Variants in AGMO observed in about 807,000 individuals in gnomAD.
AGMO encodes glyceryl-ether monooxygenase.
In AGMO, 75 loss-of-function variants were observed where a neutral mutation model predicts 60.2. That is an observed-to-expected ratio of 1.25 (90% CI 1.03 to 1.51). The LOEUF (loss-of-function observed/expected upper bound fraction) is 1.51, where lower values mean the gene tolerates loss of function less well. Ranked by LOEUF, AGMO falls within the 40% of genes most tolerant of loss-of-function variation. The pLI, the probability that AGMO is intolerant of heterozygous loss-of-function variation, is 0.00. For synonymous variants in AGMO, 261 were observed against 177.1 expected (o/e 1.47, Z -3.76); for missense variants, 763 against 525.5 (o/e 1.45, Z -4.42).
chr7:15,461,515 G>C (rs1782141862), intron 3 of AGMO, among the ~76,000 whole-genome samples: 2 of 151,992 alleles, frequency 1.3e-5, no homozygotes, highest in Non-Finnish European at 2.9e-5. Context: ...CAAAAATTAG[G>C]ATGGTCATGA....
intron 12 of AGMO, among the ~76,000 whole-genome samples, chr7:15,277,680 A>T (rs1783841895): frequency 6.6e-6 from 1 of 152,204 alleles, no homozygotes; most frequent in Non-Finnish European, 1.5e-5. Flanking sequence ...TCTATAGGCT[A>T]ATAAATGGCA....
At chr7:15,355,733 C>A (rs1338422400) in intron 12 of AGMO, among the ~76,000 whole-genome samples, 1 of 151,894 alleles carries the variant, frequency 6.6e-6, no homozygotes, top group African/African-American at 2.4e-5. Flanking sequence ...GTACCATCTT[C>A]ATACATAAAG....
chr7:15,312,949 A>G (rs1037076029), intron 12 of AGMO, among the ~76,000 whole-genome samples: 1 of 152,142 alleles, frequency 6.6e-6, no homozygotes, highest in Non-Finnish European at 1.5e-5. Context: ...GATTACAGAC[A>G]TGAGCCACCA....
chr7:15,415,492 G>A (rs1317860946), intron 5 of AGMO, among the ~76,000 whole-genome samples: 1 of 151,906 alleles, frequency 6.6e-6, no homozygotes, highest in Non-Finnish European at 1.5e-5. Context: ...TCAGGGAGCT[G>A]AGATGGTGCC....
chr7:15,522,726 C>G (rs530505997), intron 3 of AGMO, among the ~76,000 whole-genome samples: 3 of 152,216 alleles, frequency 2.0e-5, no homozygotes, highest in African/African-American at 7.2e-5. Flanking sequence ...AACATAGGTC[C>G]TCAAACCATA....
rs181953411 is a variant in AGMO, at chr7:15,409,978, T to G, written c.609+8580A>C. Among the ~76,000 whole-genome samples the G allele has an allele frequency of 5.9e-3, 895 of 151,610 alleles. 12 individuals are homozygous for G. Among genetic ancestry groups the G allele is most frequent in the African/African-American group, 0.02 (846 of 41,444 alleles). On this transcript the variant is annotated intron_variant, in intron 5 of 12. Coordinates refer to ENST00000342526, the MANE Select transcript of AGMO (RefSeq NM_001004320.2). ...TTCCTGAAAAATAATGAATACTGGA[T>G]AGGCTCACAATAAAATAAATAAATA... is the stretch of plus-strand genomic sequence containing the variant.
intron 3 of AGMO, among the ~76,000 whole-genome samples, chr7:15,461,262 A>C (rs1650659864): frequency 6.6e-6 from 1 of 151,998 alleles, no homozygotes; most frequent in Admixed American, 6.6e-5. Flanking sequence ...TTTATATATA[A>C]AGATAATCAT....
intron 5 of AGMO, among the ~76,000 whole-genome samples, chr7:15,411,887 C>A (rs1343136913): frequency 6.6e-6 from 1 of 151,946 alleles, no homozygotes; most frequent in African/African-American, 2.4e-5. Flanking sequence ...ATGAGTGGAT[C>A]TTGAGTAAAT....
At chr7:15,283,501 A>G (rs971857396) in intron 12 of AGMO, among the ~76,000 whole-genome samples, 1 of 152,130 alleles carries the variant, frequency 6.6e-6, no homozygotes, top group Non-Finnish European at 1.5e-5. Flanking sequence ...TCATTATATA[A>G]TGATAAAATG....
the AGMO span, among the ~76,000 whole-genome samples, chr7:15,182,233 C>T: frequency 6.6e-6 from 1 of 151,924 alleles, no homozygotes; most frequent in Admixed American, 6.6e-5. Context: ...TTAATGGGTA[C>T]AGGATTTCAG....
intron 12 of AGMO, among the ~76,000 whole-genome samples, chr7:15,308,556 G>A (rs1037189780): frequency 6.6e-6 from 1 of 151,932 alleles, no homozygotes; most frequent in Non-Finnish European, 1.5e-5. Context: ...TGTCTCATTT[G>A]TTTGTCTCAA....
intron 3 of AGMO, among the ~76,000 whole-genome samples, chr7:15,439,312 G>A (rs375520291): frequency 2.0e-5 from 3 of 152,136 alleles, no homozygotes; most frequent in African/African-American, 4.8e-5. Context: ...CAGGATAATC[G>A]CTTGGACTCA....
In AGMO at chr7:15,477,297, T is replaced by A. The variant is rs551864447; in HGVS notation, c.410-46189A>T. 3.9e-5 allele frequency among the ~76,000 whole-genome samples: 6 copies of A among 152,228 alleles called. No individual in the cohort carries two copies. The East Asian group carries it at 1.2e-3, about 29-fold the overall frequency. ...GGTCTTTTGGGTGAGTGGTTAGATGTCACTGAAACAGTTAACTAAAATGGG... is the reference window on the plus strand; with the variant it reads ...GGTCTTTTGGGTGAGTGGTTAGATGACACTGAAACAGTTAACTAAAATGGG... On this transcript the variant is annotated intron_variant, in intron 3 of 12. Coordinates refer to ENST00000342526, the MANE Select transcript of AGMO (RefSeq NM_001004320.2).
At chr7:15,423,854 C>T (rs1170694018) in intron 4 of AGMO, among the ~76,000 whole-genome samples, 1 of 152,116 alleles carries the variant, frequency 6.6e-6, no homozygotes, top group African/African-American at 2.4e-5. Context: ...ACTAACCCTG[C>T]TGCCATCTTG....
At chr7:15,546,698 G>A (rs1386363164) in intron 2 of AGMO, among the ~76,000 whole-genome samples, 1 of 152,180 alleles carries the variant, frequency 6.6e-6, no homozygotes, top group African/African-American at 2.4e-5. Context: ...AAAGTGTTGT[G>A]GAAACTCCAA....
chr7:15,385,564 T>A lies in AGMO; in HGVS notation c.958-2A>T. 1 of 1,559,104 alleles carries A rather than the reference T, an allele frequency of 6.4e-7. No individual in the cohort carries two copies. On this transcript the variant is annotated splice_acceptor_variant, in intron 9 of 12. Coordinates refer to ENST00000342526, the MANE Select transcript of AGMO (RefSeq NM_001004320.2). LOFTEE classifies it high-confidence loss of function. ...GAAGGGAACTTCTTTGCCGGTGACC[T>A]AGGGAGACAAGAACCATTTCCTTTA...
At chr7:15,123,456 G>A in the AGMO span, among the ~76,000 whole-genome samples, 16 of 150,656 alleles carry the variant, frequency 1.1e-4, no homozygotes, top group African/African-American at 2.0e-4. Flanking sequence ...TAATATTTGC[G>A]AATGAAAAAA....
the AGMO span, among the ~76,000 whole-genome samples, chr7:15,149,110 A>G: frequency 1.3e-5 from 2 of 152,086 alleles, no homozygotes; most frequent in African/African-American, 4.8e-5. Context: ...TTCCATGTAT[A>G]TGTCTTTTTT....
chr7:15,463,727 G>A (rs994274301), intron 3 of AGMO, among the ~76,000 whole-genome samples: 2 of 152,114 alleles, frequency 1.3e-5, no homozygotes, highest in Admixed American at 1.3e-4. Flanking sequence ...GAAAGAGATA[G>A]AACAGTAGCA....
Sources: allele counts gnomAD v4.1 joint callset (sites outside exome capture counted in the v4.1 genomes callset), GRCh38; gene constraint gnomAD v4.1.1; transcripts MANE v1.5; gene names NCBI Gene and HGNC (gene_info 2026-07-23, HGNC 2026-07-21).